Variants in LGSN observed in about 807,000 individuals in gnomAD.
LGSN encodes the protein lengsin.
Under a neutral mutation model 19.5 loss-of-function variants are expected in LGSN, and 21 were observed. The observed-to-expected ratio is 1.07, with a 90% confidence interval of 0.76 to 1.55. The LOEUF is 1.55. LGSN is among the 40% of genes most tolerant of loss of function. The pLI is 0.00. For synonymous variants in LGSN, 257 were observed against 215.6 expected (o/e 1.19, Z -1.68); for missense variants, 673 against 608.5 (o/e 1.11, Z -1.12).
chr6:63,566,560 G>A, the LGSN span, among the ~76,000 whole-genome samples: 2 of 152,152 alleles, frequency 1.3e-5, no homozygotes, highest in Non-Finnish European at 2.9e-5. Flanking sequence ...GGGTACCCTA[G>A]AATACCTTAA....
chr6:63,407,575 A>C, the LGSN span, among the ~76,000 whole-genome samples: 13 of 152,332 alleles, frequency 8.5e-5, no homozygotes, highest in South Asian at 1.4e-3. Flanking sequence ...CCAATATCAT[A>C]CTGAATGGGC....
At chr6:63,299,868 G>A (rs1171110625) in intron 1 of LGSN, among the ~76,000 whole-genome samples, 1 of 152,012 alleles carries the variant, frequency 6.6e-6, no homozygotes, top group Non-Finnish European at 1.5e-5. Flanking sequence ...AAAGGTTTAT[G>A]CTGTTTTTGC....
the LGSN span, among the ~76,000 whole-genome samples, chr6:63,450,393 A>T: frequency 7.9e-4 from 119 of 150,932 alleles, no homozygotes; most frequent in African/African-American, 2.7e-3. Flanking sequence ...AATAAAATTT[A>T]AAAATAAGCA....
the LGSN span, among the ~76,000 whole-genome samples, chr6:63,358,105 C>T: frequency 6.6e-6 from 1 of 152,212 alleles, no homozygotes; most frequent in Non-Finnish European, 1.5e-5. Context: ...TTCCCCATTG[C>T]TTGTTTTTGT....
At chr6:63,390,986 C>T in the LGSN span, among the ~76,000 whole-genome samples, 1 of 152,000 alleles carries the variant, frequency 6.6e-6, no homozygotes, top group Non-Finnish European at 1.5e-5. Flanking sequence ...GGAAAGGATG[C>T]ATACTTTTAC....
intron 1 of LGSN, among the ~76,000 whole-genome samples, chr6:63,308,799 C>G (rs1172049478): frequency 6.6e-6 from 1 of 152,084 alleles, no homozygotes; most frequent in Admixed American, 6.5e-5. Flanking sequence ...CGATAATTAT[C>G]AAACTTAAAA....
the LGSN span, among the ~76,000 whole-genome samples, chr6:63,330,388 G>A: frequency 6.6e-6 from 1 of 152,142 alleles, no homozygotes; most frequent in South Asian, 2.1e-4. Flanking sequence ...ATAGAACACT[G>A]AGGTTGCCAG....
the LGSN span, among the ~76,000 whole-genome samples, chr6:63,429,897 G>A: frequency 2.6e-5 from 4 of 152,058 alleles, no homozygotes; most frequent in Non-Finnish European, 4.4e-5. Context: ...CAATATAGTT[G>A]CTGTTCAGGT....
the LGSN span, among the ~76,000 whole-genome samples, chr6:63,345,167 A>G: frequency 6.6e-6 from 1 of 152,212 alleles, no homozygotes; most frequent in Non-Finnish European, 1.5e-5. Context: ...CTAATGCTAA[A>G]AACATTAGCA....
chr6:63,474,245 A>G, the LGSN span, among the ~76,000 whole-genome samples: 1 of 152,218 alleles, frequency 6.6e-6, no homozygotes, highest in South Asian at 2.1e-4. Context: ...ATTGCCATTT[A>G]TCACTATATG....
the LGSN span, among the ~76,000 whole-genome samples, chr6:63,513,750 A>G: frequency 1.3e-5 from 2 of 151,862 alleles, no homozygotes; most frequent in African/African-American, 4.8e-5. Flanking sequence ...GTCTCTACTA[A>G]AAATACAAAA....
the LGSN span, among the ~76,000 whole-genome samples, chr6:63,386,806 T>C: frequency 6.6e-6 from 1 of 152,068 alleles, no homozygotes; most frequent in Admixed American, 6.5e-5. Flanking sequence ...AGAGGTAAAT[T>C]AATAAATAAG....
chr6:63,476,830 G>C, the LGSN span, among the ~76,000 whole-genome samples: 1 of 152,196 alleles, frequency 6.6e-6, no homozygotes, highest in Admixed American at 6.5e-5. Flanking sequence ...AGAGAAATTA[G>C]ATCCAATCGT....
At chr6:63,442,316 T>C in the LGSN span, among the ~76,000 whole-genome samples, 1 of 152,176 alleles carries the variant, frequency 6.6e-6, no homozygotes, top group South Asian at 2.1e-4. Flanking sequence ...GAACAAAGCT[T>C]CCACAGCACA....
chr6:63,404,607 T>C, the LGSN span, among the ~76,000 whole-genome samples: 12 of 152,032 alleles, frequency 7.9e-5, no homozygotes, highest in Admixed American at 1.3e-4. Context: ...TGGAACTTCA[T>C]AGAGCAAAAG....
At chr6:63,363,866 T>C in the LGSN span, among the ~76,000 whole-genome samples, 1 of 151,896 alleles carries the variant, frequency 6.6e-6, no homozygotes, top group Admixed American at 6.6e-5. Flanking sequence ...AAGATACTCC[T>C]CCAGAAGAGC....
chr6:63,317,805 C>T (rs1159140666), intron 1 of LGSN, among the ~76,000 whole-genome samples: 1 of 152,128 alleles, frequency 6.6e-6, no homozygotes, highest in Non-Finnish European at 1.5e-5. Flanking sequence ...CCCCAGATGG[C>T]ATTCATTCCT....
chr6:63,299,751 T>C (rs1053775992), intron 1 of LGSN, among the ~76,000 whole-genome samples: 3 of 152,258 alleles, frequency 2.0e-5, no homozygotes, highest in African/African-American at 7.2e-5. Flanking sequence ...ATAATATTTG[T>C]CAAATGAAGC....
chr6:63,523,377 C>G, the LGSN span, among the ~76,000 whole-genome samples: 1 of 151,902 alleles, frequency 6.6e-6, no homozygotes, highest in African/African-American at 2.4e-5. Flanking sequence ...TACTAGAAAA[C>G]ACAAAAATTA....
Sources: gnomAD v4.1 joint callset for allele counts (sites outside exome capture counted in the v4.1 genomes callset) on GRCh38, gnomAD v4.1.1 for gene constraint, MANE v1.5 for transcripts, NCBI Gene and HGNC (gene_info 2026-07-23, HGNC 2026-07-21) for gene names.